The following CTNND2 variants were observed in gnomAD, a reference collection of about 807,000 sequenced individuals.
The protein encoded by CTNND2 is catenin delta 2.
Under a neutral mutation model 144.4 loss-of-function variants are expected in CTNND2, and 22 were observed. That is an observed-to-expected ratio of 0.15 (90% CI 0.11 to 0.22). The LOEUF (loss-of-function observed/expected upper bound fraction) is 0.22. Ranked by LOEUF, CTNND2 falls within the 10% of genes least tolerant of loss-of-function variation. CTNND2 has a pLI of 1.00. For missense variants in CTNND2, 1,353 were observed against 1,618.8 expected, an observed-to-expected ratio of 0.84 and a Z score of 2.82; for synonymous variants, 751 against 695.6, an observed-to-expected ratio of 1.08 and a Z score of -1.25.
chr5:11,703,150 C>A (rs965547007), intron 2 of CTNND2, among the ~76,000 whole-genome samples: 4 of 152,190 alleles, frequency 2.6e-5, no homozygotes, highest in African/African-American at 9.6e-5. Flanking sequence ...AGCTACCCAA[C>A]TGAAGTCAAT....
chr5:11,137,242 T>A (rs1365408922), intron 12 of CTNND2, among the ~76,000 whole-genome samples: 1 of 152,244 alleles, frequency 6.6e-6, no homozygotes, highest in African/African-American at 2.4e-5. Context: ...TCATTTCTTA[T>A]TTATTAATAT....
chr5:11,712,892 G>A (rs928417482), intron 2 of CTNND2, among the ~76,000 whole-genome samples: 1 of 152,166 alleles, frequency 6.6e-6, no homozygotes, highest in Non-Finnish European at 1.5e-5. Context: ...TAGTGAAAAT[G>A]GGGATATGAT....
At chr5:11,564,493 C>T (rs1395478292) in intron 3 of CTNND2, among the ~76,000 whole-genome samples, 1 of 152,080 alleles carries the variant, frequency 6.6e-6, no homozygotes, top group African/African-American at 2.4e-5. Context: ...TGGGGAACTG[C>T]ACGTGTGGTT....
At chr5:11,125,595 T>C (rs1221705257) in intron 12 of CTNND2, among the ~76,000 whole-genome samples, 1 of 152,062 alleles carries the variant, frequency 6.6e-6, no homozygotes, top group African/African-American at 2.4e-5. Flanking sequence ...ACCAGAGACC[T>C]CCCAGCCCAG....
intron 9 of CTNND2, among the ~76,000 whole-genome samples, chr5:11,263,248 A>T (rs1745097217): frequency 6.6e-6 from 1 of 152,162 alleles, no homozygotes; most frequent in Non-Finnish European, 1.5e-5. Context: ...GATAACTAAA[A>T]ATCTCTTTTG....
intron 2 of CTNND2, among the ~76,000 whole-genome samples, chr5:11,618,835 A>G (rs1241390592): frequency 6.6e-6 from 1 of 152,160 alleles, no homozygotes; most frequent in Non-Finnish European, 1.5e-5. Flanking sequence ...ATTTTATATG[A>G]TTTTATCCGA....
chr5:11,258,884 G>T (rs890612770), intron 9 of CTNND2, among the ~76,000 whole-genome samples: 13 of 152,136 alleles, frequency 8.5e-5, no homozygotes, highest in African/African-American at 3.1e-4. Flanking sequence ...GCACAGAAAA[G>T]ATCAGCTAAT....
At chr5:11,194,077 A>G (rs1387130096) in intron 11 of CTNND2, among the ~76,000 whole-genome samples, 1 of 152,230 alleles carries the variant, frequency 6.6e-6, no homozygotes, top group Non-Finnish European at 1.5e-5. Context: ...AGTAATTCAG[A>G]CAAGAAATTT....
At chr5:11,555,268 T>G (rs1776128630) in intron 3 of CTNND2, among the ~76,000 whole-genome samples, 1 of 152,186 alleles carries the variant, frequency 6.6e-6, no homozygotes, top group Non-Finnish European at 1.5e-5. Flanking sequence ...GTTCTAGCAG[T>G]TGACAAGGCT....
At chr5:10,981,585 C>T (rs1327730741) in intron 21 of CTNND2, among the ~76,000 whole-genome samples, 188 bp downstream of exon 21, 4 of 133,538 alleles carry the variant, frequency 3.0e-5, no homozygotes. Flanking sequence ...CTGCCGAGTC[C>T]AACACACACA....
At chr5:11,277,529 T>TATTTATTTATTTATTCATTC (rs1554019023) in intron 9 of CTNND2, among the ~76,000 whole-genome samples, 1 of 149,310 alleles carries the variant, frequency 6.7e-6, no homozygotes, top group South Asian at 2.1e-4. Context: ...TTTATTTATT[T>TATTTATTTATTTATTCATTC]ATTTATTTAT....
intron 9 of CTNND2, among the ~76,000 whole-genome samples, chr5:11,237,499 T>C (rs1323007199): frequency 6.6e-6 from 1 of 152,132 alleles, no homozygotes; most frequent in Non-Finnish European, 1.5e-5. Context: ...TATTCATTTA[T>C]TTATTTTTAA....
intron 16 of CTNND2, among the ~76,000 whole-genome samples, chr5:11,029,544 C>T (rs1374500340): frequency 1.3e-5 from 2 of 152,198 alleles, no homozygotes; most frequent in African/African-American, 4.8e-5. Flanking sequence ...AACATACAAA[C>T]ACTTTGTTCA....
intron 16 of CTNND2, among the ~76,000 whole-genome samples, chr5:11,074,764 C>T (rs1408408977): frequency 1.3e-5 from 2 of 152,140 alleles, no homozygotes; most frequent in African/African-American, 2.4e-5. Context: ...TGGGCATCAC[C>T]GTTTTCTTTA....
intron 2 of CTNND2, among the ~76,000 whole-genome samples, chr5:11,628,700 T>G (rs1333191208): frequency 6.6e-6 from 1 of 152,218 alleles, no homozygotes; most frequent in Non-Finnish European, 1.5e-5. Context: ...GGCTGATTGT[T>G]CTTCACCACT....
intron 18 of CTNND2, among the ~76,000 whole-genome samples, chr5:11,014,696 G>C (rs940207676): frequency 6.6e-6 from 1 of 152,154 alleles, no homozygotes; most frequent in Admixed American, 6.5e-5. Context: ...ATTTGAATCA[G>C]AATGTGTCTC....
At chr5:11,535,015 G>A (rs1452953741) in intron 3 of CTNND2, among the ~76,000 whole-genome samples, 4 of 151,798 alleles carry the variant, frequency 2.6e-5, no homozygotes, top group South Asian at 2.1e-4. Flanking sequence ...GACGAAACAC[G>A]TTCTCTACTA....
At chr5:11,859,019 T>G (rs1041097891) in intron 1 of CTNND2, among the ~76,000 whole-genome samples, 1 of 152,226 alleles carries the variant, frequency 6.6e-6, no homozygotes, top group South Asian at 2.1e-4. Context: ...ATGCTTTACA[T>G]GTATTATCTT....
chr5:11,070,034 T>C (rs892668085), intron 16 of CTNND2, among the ~76,000 whole-genome samples: 7 of 152,176 alleles, frequency 4.6e-5, no homozygotes, highest in Admixed American at 4.6e-4. Flanking sequence ...TCTATTCAAA[T>C]CTTTCAACAT....
Sources: gnomAD v4.1 joint callset for allele counts (sites outside exome capture counted in the v4.1 genomes callset) on GRCh38, gnomAD v4.1.1 for gene constraint, MANE v1.5 for transcripts, NCBI Gene and HGNC (gene_info 2026-07-23, HGNC 2026-07-21) for gene names.